BTRC: variants seen among roughly 807,000 people sequenced by gnomAD.
BTRC encodes the protein beta-transducin repeat containing E3 ubiquitin protein ligase.
BTRC carries 42 observed loss-of-function variants against 85.5 expected under a neutral mutation model. That is an observed-to-expected ratio of 0.49 (90% CI 0.38 to 0.64). The LOEUF (loss-of-function observed/expected upper bound fraction) is 0.64. Ranked by LOEUF, BTRC falls within the 30% of genes least tolerant of loss-of-function variation. The pLI is 0.00. For missense variants in BTRC, 594 were observed against 743.5 expected (o/e 0.80, Z 2.34); for synonymous variants, 255 against 263.3 (o/e 0.97, Z 0.30).
intron 2 of BTRC, among the ~76,000 whole-genome samples, chr10:101,438,541 A>G (rs1564773046): frequency 6.6e-6 from 1 of 151,562 alleles, no homozygotes; most frequent in Admixed American, 6.6e-5. Context: ...TCAAATTAGT[A>G]AGTACAAAAC....
rs757015335 is a variant in BTRC at position 101,515,054 on chromosome 10, C to T, written c.325-6585C>T. On this transcript the variant is annotated intron_variant, in intron 4 of 14. Transcript: ENST00000370187. ...CACTGCAGCCTCCACCTCCCGGGTTCAAGCAATGCTCCTGCCTCAGCCTTC... is the reference window on the plus strand; with the variant it reads ...CACTGCAGCCTCCACCTCCCGGGTTTAAGCAATGCTCCTGCCTCAGCCTTC... Among the ~76,000 whole-genome samples, 43 of 152,220 alleles carry T rather than the reference C, an allele frequency of 2.8e-4. 1 individual carries two copies. Among genetic ancestry groups the T allele is most frequent in the Middle Eastern group, 6.8e-3 (2 of 294 alleles).
chr10:101,424,254 T>A (rs1400338666), intron 1 of BTRC, among the ~76,000 whole-genome samples: 1 of 152,178 alleles, frequency 6.6e-6, no homozygotes, highest in Non-Finnish European at 1.5e-5. Context: ...AAAAGAATCC[T>A]TGTTTTAGTT....
chr10:101,434,411 A>G (rs1453956060), intron 2 of BTRC, among the ~76,000 whole-genome samples: 3 of 152,202 alleles, frequency 2.0e-5, no homozygotes, highest in African/African-American at 4.8e-5. Context: ...CTCAACGGTT[A>G]TACTGCACTA....
Position 101,532,959 on chromosome 10 carries a change from A to G in BTRC, c.986A>G (p.Asp329Gly). ...GLRDNTIKIW[D>G]KNTLECKRIL... ...TCTTATTTGCCATCCTAGATCTGGG[A>G]TAAAAACACATTGGAATGCAAGCGA... The change falls in exon 9 of 15, where the codon GAT becomes GGT. Residue 329 changes from aspartate (D) to glycine (G), a missense_variant. By Grantham distance (94) the Asp-to-Gly change is moderately conservative. Coordinates refer to ENST00000370187, the MANE Select transcript of BTRC (RefSeq NM_033637.4). 6.2e-7 allele frequency: 1 copy of G among 1,610,810 alleles called. No individual in the cohort carries two copies. The highest frequency in any genetic ancestry group is 8.5e-7 in the Non-Finnish European group (1 of 1,177,464).
chr10:101,538,330 C>T lies in BTRC; in HGVS notation c.1615C>T (p.Pro539Ser). Reference protein sequence around the residue: ...KVWDLVAALDPRAPAGTLCLR... With the variant: ...KVWDLVAALDSRAPAGTLCLR... ...GTGGGATCTTGTGGCTGCTTTGGAC[C>T]CCCGTGCTCCTGCAGGGACACTCTG... Residue 539 changes from proline to serine, a missense_variant, in exon 13 of 15, where the codon CCC (proline) becomes TCC (serine). By Grantham distance (74) the Pro-to-Ser change is moderately conservative (BLOSUM62 -1). Around this residue, in one of 4 missense-constraint regions of BTRC, gnomAD observed 373 missense variants for 503.6 expected, o/e 0.74. Coordinates refer to ENST00000370187, the MANE Select transcript of BTRC (RefSeq NM_033637.4). The T allele has an allele frequency of 6.2e-7, 1 of 1,614,040 alleles. No individual in the cohort carries two copies. The highest frequency in any genetic ancestry group is 8.5e-7 in the Non-Finnish European group (1 of 1,179,982).
At chr10:101,543,091 T>C (rs1278161515) in intron 13 of BTRC, among the ~76,000 whole-genome samples, 2 of 152,188 alleles carry the variant, frequency 1.3e-5, no homozygotes, top group South Asian at 2.1e-4. Context: ...TTGGGCAGGC[T>C]GGTCTCGAAC....
chr10:101,404,848 A>C (rs1943580783), intron 1 of BTRC, among the ~76,000 whole-genome samples: 1 of 152,064 alleles, frequency 6.6e-6, no homozygotes. Context: ...AATACAAAAA[A>C]TTAGCCGGGC....
chr10:101,411,092 T>C (rs918527261), intron 1 of BTRC, among the ~76,000 whole-genome samples: 17 of 150,644 alleles, frequency 1.1e-4, no homozygotes, highest in Admixed American at 8.0e-4. Context: ...GCCTCCTGGG[T>C]TCAAGCAGTT....
intron 4 of BTRC, among the ~76,000 whole-genome samples, chr10:101,496,520 G>T (rs1946265604): frequency 6.6e-6 from 1 of 152,112 alleles, no homozygotes; most frequent in Admixed American, 6.6e-5. Context: ...GCCTCAGGCA[G>T]TCCTCTTGCC....
chr10:101,521,383 G>T (rs2062102004), intron 4 of BTRC, among the ~76,000 whole-genome samples: 1 of 152,196 alleles, frequency 6.6e-6, no homozygotes, highest in African/African-American at 2.4e-5. Flanking sequence ...TCAGCTTTTG[G>T]TTTTTATTTG....
intron 4 of BTRC, among the ~76,000 whole-genome samples, chr10:101,512,710 AAT>A (rs2061972207): frequency 6.6e-6 from 1 of 152,336 alleles, no homozygotes; most frequent in South Asian, 2.1e-4. Context: ...TGGTACGTGA[AAT>A]ATGTTTTCGG....
chr10:101,550,627 A>G, intron 13 of BTRC, 72 bp from the exon 14 acceptor site: 7 of 1,493,284 alleles, frequency 4.7e-6, no homozygotes, highest in East Asian at 2.3e-5. Flanking sequence ...TCCTTTTGAC[A>G]TGTTGCTGAA....
intron 1 of BTRC, among the ~76,000 whole-genome samples, chr10:101,388,502 T>C (rs1372735496): frequency 6.6e-6 from 1 of 152,012 alleles, no homozygotes; most frequent in Non-Finnish European, 1.5e-5. Context: ...TGTTTATTGA[T>C]TGATTGAGAC....
intron 3 of BTRC, among the ~76,000 whole-genome samples, chr10:101,468,189 C>A (rs889275430): frequency 1.3e-5 from 2 of 152,066 alleles, no homozygotes; most frequent in Admixed American, 1.3e-4. Context: ...TGTAATCATT[C>A]TTTGATAAAT....
chr10:101,523,070 A>G (rs1045864815), intron 5 of BTRC, among the ~76,000 whole-genome samples: 5 of 152,142 alleles, frequency 3.3e-5, no homozygotes, highest in South Asian at 4.2e-4. Flanking sequence ...TGGGTGTAGT[A>G]GCACACACCT....
At chr10:101,455,426 G>A (rs1222440200) in intron 2 of BTRC, among the ~76,000 whole-genome samples, 1 of 152,244 alleles carries the variant, frequency 6.6e-6, no homozygotes, top group Non-Finnish European at 1.5e-5. Flanking sequence ...TTACAGTAGT[G>A]TGGGGTGGGA....
At chr10:101,466,628 A>G (rs1386074234) in intron 3 of BTRC, among the ~76,000 whole-genome samples, 1 of 152,160 alleles carries the variant, frequency 6.6e-6, no homozygotes, top group Non-Finnish European at 1.5e-5. Flanking sequence ...TGACCCACTG[A>G]GTTAGACTGT....
At chr10:101,514,568 T>G (rs535687713) in intron 4 of BTRC, among the ~76,000 whole-genome samples, 1 of 152,256 alleles carries the variant, frequency 6.6e-6, no homozygotes, top group East Asian at 1.9e-4. Flanking sequence ...TTCTTGTGTC[T>G]CAGCTGCCCT....
intron 2 of BTRC, among the ~76,000 whole-genome samples, chr10:101,439,219 G>A (rs1281904087): frequency 6.6e-6 from 1 of 152,190 alleles, no homozygotes; most frequent in African/African-American, 2.4e-5. Flanking sequence ...TGTTTTCTGA[G>A]ATGGAAACAC....
Sources: gnomAD v4.1 joint callset for allele counts (sites outside exome capture counted in the v4.1 genomes callset) on GRCh38, gnomAD v4.1.1 for gene constraint, gnomAD v4.1.1 regional missense constraint, MANE v1.5 for transcripts, NCBI Gene and HGNC (gene_info 2026-07-23, HGNC 2026-07-21) for gene names.